WBP1L: variants seen among roughly 807,000 people sequenced by gnomAD.
WBP1L encodes the protein WW domain binding protein 1-like.
WBP1L carries 17 observed loss-of-function variants against 33.7 expected under a neutral mutation model. That is an observed-to-expected ratio of 0.50 (90% CI 0.34 to 0.76). The LOEUF (loss-of-function observed/expected upper bound fraction) is 0.76, where lower values mean the gene tolerates loss of function less well. Among genes scored for constraint, WBP1L ranks in the 30% least tolerant of loss-of-function variants. The pLI is 0.01. For synonymous variants in WBP1L, 173 were observed against 190.8 expected, an observed-to-expected ratio of 0.91 and a Z score of 0.77; for missense variants, 389 against 469.4, an observed-to-expected ratio of 0.83 and a Z score of 1.58.
intron 1 of WBP1L, among the ~76,000 whole-genome samples, chr10:102,748,178 C>T (rs570211063): frequency 1.3e-5 from 2 of 152,146 alleles, no homozygotes; most frequent in South Asian, 2.1e-4. Context: ...ATGGCGTGAA[C>T]CTGGGAGGCG....
intron 1 of WBP1L, among the ~76,000 whole-genome samples, chr10:102,746,599 TG>T (rs1232082618): frequency 7.6e-5 from 5 of 65,428 alleles, no homozygotes; most frequent in Admixed American, 4.7e-4. Context: ...TGTATTTTTT[TG>T]GGTTTTTTTG....
At chr10:102,802,916 T>C (rs1843678297) in intron 2 of WBP1L, among the ~76,000 whole-genome samples, 1 of 152,212 alleles carries the variant, frequency 6.6e-6, no homozygotes, top group Non-Finnish European at 1.5e-5. Flanking sequence ...ACTAAGAACT[T>C]ACCATACATC....
chr10:102,750,029 G>T (rs184627001), intron 1 of WBP1L, among the ~76,000 whole-genome samples: 2 of 151,224 alleles, frequency 1.3e-5, no homozygotes, highest in African/African-American at 2.4e-5. Context: ...TGATCTGCCC[G>T]CCTTGGCCTC....
intron 2 of WBP1L, among the ~76,000 whole-genome samples, chr10:102,804,419 T>TA (rs143565698): frequency 4.3e-5 from 6 of 138,142 alleles, no homozygotes; most frequent in South Asian, 2.2e-4. Context: ...CTTTTTTTTT[T>TA]AAAAAAAAAA....
chr10:102,770,708 G>A (rs980457404), intron 1 of WBP1L, among the ~76,000 whole-genome samples: 13 of 152,142 alleles, frequency 8.5e-5, no homozygotes, highest in Admixed American at 6.5e-4. Flanking sequence ...AAGGACCCTA[G>A]GACCCTGACT....
intron 1 of WBP1L, among the ~76,000 whole-genome samples, chr10:102,793,720 A>G (rs931583070): frequency 6.6e-6 from 1 of 152,026 alleles, no homozygotes; most frequent in Non-Finnish European, 1.5e-5. Context: ...CCAAGGTCAC[A>G]CAGTTAATAG....
chr10:102,812,129 A>G (rs1843850707), intron 3 of WBP1L, among the ~76,000 whole-genome samples: 1 of 152,188 alleles, frequency 6.6e-6, no homozygotes, highest in South Asian at 2.1e-4. Flanking sequence ...TACATAGTGC[A>G]TTTGGAAGGT....
rs551382420 is a variant in WBP1L, at chr10:102,761,769, G to A, written c.90+17626G>A. 5.4e-4 allele frequency among the ~76,000 whole-genome samples: 82 copies of A among 151,600 alleles called. 1 individual carries two copies. Among genetic ancestry groups the A allele is most frequent in the Middle Eastern group, 6.8e-3 (2 of 294 alleles). The stretch of plus-strand genomic sequence containing the variant: ...TCACCATGTTGGCCAGGCTTGTCTC[G>A]AACTCCAGATTTCAGGTGATCCACC... On this transcript the variant is annotated intron_variant, in intron 1 of 3. Transcript: ENST00000448841.
chr10:102,774,940 C>T (rs1414074277), intron 1 of WBP1L, among the ~76,000 whole-genome samples: 1 of 151,610 alleles, frequency 6.6e-6, no homozygotes, highest in African/African-American at 2.4e-5. Context: ...ATGGCGAAAC[C>T]CCATCTCTAC....
chr10:102,761,432 A>T lies in WBP1L; in HGVS notation c.90+17289A>T, dbSNP rs1018916074. Among the ~76,000 whole-genome samples, 12 of 149,474 alleles carry T rather than the reference A, an allele frequency of 8.0e-5. No individual in the cohort carries two copies. In the Admixed American group the frequency reaches 8.0e-4, roughly 10 times the overall value. Reference sequence around the variant, plus strand: ...TGGGATTACAGGCGTGAGCCACTACACTCAGCCTTAAATTTTTTTATGTTT... The same window carrying T: ...TGGGATTACAGGCGTGAGCCACTACTCTCAGCCTTAAATTTTTTTATGTTT... On this transcript the variant is annotated intron_variant, in intron 1 of 3. Transcript: ENST00000448841.
intron 2 of WBP1L, among the ~76,000 whole-genome samples, chr10:102,808,528 A>G (rs866792926): frequency 8.8e-6 from 1 of 113,878 alleles, no homozygotes; most frequent in Non-Finnish European, 2.2e-5. Context: ...TCCCTGGAGC[A>G]GGGAGGAAGA....
intron 3 of WBP1L, among the ~76,000 whole-genome samples, chr10:102,810,555 TC>T (rs1843821598): frequency 2.4e-5 from 2 of 83,676 alleles, no homozygotes; most frequent in Non-Finnish European, 2.5e-5. Context: ...CCTCTCTCTC[TC>T]TCTATTTCTT....
chr10:102,783,502 T>C (rs1269039562), intron 1 of WBP1L, among the ~76,000 whole-genome samples: 1 of 152,172 alleles, frequency 6.6e-6, no homozygotes, highest in Non-Finnish European at 1.5e-5. Flanking sequence ...ACGGGGAATT[T>C]AGAGCGGGGT....
At chr10:102,786,335 A>C (rs757857465) in intron 1 of WBP1L, among the ~76,000 whole-genome samples, 2 of 152,222 alleles carry the variant, frequency 1.3e-5, no homozygotes, top group Non-Finnish European at 2.9e-5. Context: ...CTAGAAAACG[A>C]ATATGAGTCT....
At chr10:102,750,214 C>T (rs1283147834) in intron 1 of WBP1L, among the ~76,000 whole-genome samples, 1 of 151,158 alleles carries the variant, frequency 6.6e-6, no homozygotes, top group East Asian at 2.0e-4. Flanking sequence ...TCTAGACCAG[C>T]GTGGCCAACA....
At position 102,809,887 on chromosome 10, in the gene WBP1L, C is replaced by G; in HGVS notation, c.194-6C>G. 1 of 1,608,080 alleles carries G rather than the reference C, an allele frequency of 6.2e-7. No individual in the cohort carries two copies. Among genetic ancestry groups the G allele is most frequent in the Non-Finnish European group, 8.5e-7 (1 of 1,177,132 alleles). ...GCCTCTCTGTCTTGCCTTGCCCACCCCCCAGGGTTCTGGCTGGTGTGGACC... is the reference window on the plus strand; with the variant it reads ...GCCTCTCTGTCTTGCCTTGCCCACCGCCCAGGGTTCTGGCTGGTGTGGACC... On this transcript the variant is annotated splice_region_variant and splice_polypyrimidine_tract_variant and intron_variant, in intron 2 of 3. Transcript: ENST00000448841.
chr10:102,755,920 C>T (rs1435185960), intron 1 of WBP1L, among the ~76,000 whole-genome samples: 3 of 151,490 alleles, frequency 2.0e-5, no homozygotes, highest in Non-Finnish European at 4.4e-5. Flanking sequence ...TGGTGGGTGC[C>T]TGTAGTCCCA....
rs1007076147 is a variant in WBP1L at position 102,816,114 on chromosome 10, T to C, written c.*2783T>C. On this transcript the variant is annotated 3_prime_UTR_variant, in exon 4 of 4. Transcript: ENST00000448841. ...GAGGCACGTTACCCTTTGTCAGTTA[T>C]TGTGAATATGTGTATTTTAAGCAAT... 2 of 152,614 alleles carry C rather than the reference T, an allele frequency of 1.3e-5. No homozygotes were observed. The highest frequency in any genetic ancestry group is 2.9e-5 in the Non-Finnish European group (2 of 68,022). The allele number at this position is 152,614 out of a possible 1,614,324, so 9.5% of individuals were successfully genotyped here.
At chr10:102,763,129 G>A (rs901516596) in intron 1 of WBP1L, among the ~76,000 whole-genome samples, 1 of 150,550 alleles carries the variant, frequency 6.6e-6, no homozygotes, top group Non-Finnish European at 1.5e-5. Flanking sequence ...ACTTGAGACT[G>A]GGAGGCAGAG....
Sources: gnomAD v4.1 joint callset for allele counts (sites outside exome capture counted in the v4.1 genomes callset) on GRCh38, gnomAD v4.1.1 for gene constraint, MANE v1.5 for transcripts, NCBI Gene and HGNC (gene_info 2026-07-23, HGNC 2026-07-21) for gene names.